Variants in ZBTB40 observed in about 807,000 individuals in gnomAD.
ZBTB40 encodes the protein zinc finger and BTB domain-containing protein 40.
Under a neutral mutation model 117.5 loss-of-function variants are expected in ZBTB40, and 60 were observed. The observed-to-expected ratio is 0.51, with a 90% CI of 0.41 to 0.63. ZBTB40 has a LOEUF of 0.63. Among genes scored for constraint, ZBTB40 ranks in the 30% least tolerant of loss-of-function variants. ZBTB40 has a pLI of 0.00. For synonymous variants in ZBTB40, 525 were observed against 577.1 expected, an observed-to-expected ratio of 0.91 and a Z score of 1.29; for missense variants, 1,287 against 1,498.5, an observed-to-expected ratio of 0.86 and a Z score of 2.33.
chr1:22,506,473 G>A (rs750921827), intron 6 of ZBTB40, among the ~76,000 whole-genome samples: 19 of 152,198 alleles, frequency 1.2e-4, no homozygotes, highest in Non-Finnish European at 2.2e-4. Context: ...TGTGGCTCAG[G>A]ATTTATTAAC....
chr1:22,520,328 A>C, intron 14 of ZBTB40, 53 bp downstream of exon 14: 11 of 1,470,184 alleles, frequency 7.5e-6, no homozygotes, highest in Non-Finnish European at 1.0e-5. Flanking sequence ...CCTACTCTCC[A>C]TTTGATCTTC....
intron 12 of ZBTB40, among the ~76,000 whole-genome samples, chr1:22,515,439 A>T (rs905286668): frequency 1.1e-4 from 17 of 152,232 alleles, no homozygotes; most frequent in Non-Finnish European, 2.5e-4. Context: ...ACCATTCTGG[A>T]GGATAGCAAT....
At chr1:22,492,518 C>A (rs1191294175) in intron 3 of ZBTB40, among the ~76,000 whole-genome samples, 2 of 152,230 alleles carry the variant, frequency 1.3e-5, no homozygotes, top group East Asian at 3.8e-4. Context: ...TGAGAGGGCG[C>A]TGCCCCGGCA....
chr1:22,484,679 T>C (rs1638418153), intron 1 of ZBTB40, among the ~76,000 whole-genome samples: 1 of 152,218 alleles, frequency 6.6e-6, no homozygotes, highest in Admixed American at 6.5e-5. Flanking sequence ...CAGTACAGTG[T>C]TTAAGATCAG....
At chr1:22,517,866 C>T (rs1639417454) in intron 13 of ZBTB40, among the ~76,000 whole-genome samples, 1 of 152,186 alleles carries the variant, frequency 6.6e-6, no homozygotes, top group African/African-American at 2.4e-5. Flanking sequence ...TGTCTACCAT[C>T]GTAAGTGAGC....
rs750252139 is a variant in ZBTB40 at position 22,490,656 on chromosome 1, T to C, written c.697+11T>C. Reference sequence around the variant, plus strand: ...CAAGCACAGAACCAGGTAACAGTCATTGTTTTATATTCCATCCTTCTGTTT... The same window carrying C: ...CAAGCACAGAACCAGGTAACAGTCACTGTTTTATATTCCATCCTTCTGTTT... On this transcript the variant is annotated intron_variant, in intron 2 of 17. Coordinates refer to ENST00000375647, the MANE Select transcript of ZBTB40 (RefSeq NM_014870.4). 1 of 1,611,116 alleles carries C rather than the reference T, an allele frequency of 6.2e-7. No individual in the cohort carries two copies. The highest frequency in any genetic ancestry group is 8.5e-7 in the Non-Finnish European group (1 of 1,178,872).
intron 17 of ZBTB40, among the ~76,000 whole-genome samples, chr1:22,524,761 G>C (rs1273581068): frequency 6.6e-6 from 1 of 152,200 alleles, no homozygotes; most frequent in Non-Finnish European, 1.5e-5. Flanking sequence ...GGAGACAGAG[G>C]AACACTTTGT....
chr1:22,478,654 C>T (rs1383955838), intron 1 of ZBTB40, among the ~76,000 whole-genome samples: 1 of 152,112 alleles, frequency 6.6e-6, no homozygotes, highest in Non-Finnish European at 1.5e-5. Flanking sequence ...AGAACAGTGC[C>T]TGGCACATAG....
chr1:22,431,380 G>GTATATATATATA (rs1299801234), intron 1 of ZBTB40, among the ~76,000 whole-genome samples: 304 of 15,138 alleles, frequency 0.02, 3 homozygotes, highest in African/African-American at 0.031. Context: ...GTGTGTGTGT[G>GTATATATATATA]TGTGTATATA....
At chr1:22,458,631 C>CT (rs1212655194) in intron 1 of ZBTB40, among the ~76,000 whole-genome samples, 2 of 152,216 alleles carry the variant, frequency 1.3e-5, no homozygotes, top group African/African-American at 4.8e-5. Flanking sequence ...CAGATATTGT[C>CT]TTAAAGTCAC....
intron 1 of ZBTB40, among the ~76,000 whole-genome samples, chr1:22,439,102 G>A (rs1640704268): frequency 6.6e-6 from 1 of 152,132 alleles, no homozygotes; most frequent in South Asian, 2.1e-4. Flanking sequence ...TCCTGACCTT[G>A]TTATCCACCC....
chr1:22,432,320 A>G (rs982681132), intron 1 of ZBTB40, among the ~76,000 whole-genome samples: 5 of 152,232 alleles, frequency 3.3e-5, no homozygotes, highest in Non-Finnish European at 7.4e-5. Flanking sequence ...CTGCATCTCA[A>G]CCTTGGGGTG....
At chr1:22,505,696 G>A (rs544276380) in intron 5 of ZBTB40, among the ~76,000 whole-genome samples, 24 of 152,188 alleles carry the variant, frequency 1.6e-4, no homozygotes, top group Admixed American at 2.0e-4. Flanking sequence ...CAATCTTAGC[G>A]TCCAGACAAG....
At chr1:22,435,156 A>G (rs1265104112) in intron 1 of ZBTB40, among the ~76,000 whole-genome samples, 2 of 151,614 alleles carry the variant, frequency 1.3e-5, no homozygotes, top group Non-Finnish European at 2.9e-5. Flanking sequence ...ACCCACCACC[A>G]TGCCCAGCTA....
chr1:22,467,394 A>C (rs573141441), intron 1 of ZBTB40, among the ~76,000 whole-genome samples: 1 of 152,318 alleles, frequency 6.6e-6, no homozygotes, highest in East Asian at 1.9e-4. Context: ...TTTCCTAAAA[A>C]GTTTTACCAG....
At chr1:22,446,250 C>CCG (rs34292769) in intron 1 of ZBTB40, among the ~76,000 whole-genome samples, 3 of 149,798 alleles carry the variant, frequency 2.0e-5, no homozygotes, top group Non-Finnish European at 2.9e-5. Flanking sequence ...GAAAAAAAGA[C>CCG]AGAAAAACAA....
rs533801680 is a variant in ZBTB40 at position 22,482,952 on chromosome 1, G to A, written c.-69-6928G>A. Among the ~76,000 whole-genome samples the A allele has an allele frequency of 5.3e-5, 8 of 152,080 alleles. No homozygotes were observed. In the South Asian group the frequency reaches 6.2e-4, roughly 12 times the overall value. ...AAATTAGCCAGGCGTGGTGGCGGGC[G>A]CCTGTAGTCCTAGCTACTCGGGAGG... On this transcript the variant is annotated intron_variant, in intron 1 of 17. Coordinates refer to ENST00000375647, the MANE Select transcript of ZBTB40 (RefSeq NM_014870.4).
intron 1 of ZBTB40, among the ~76,000 whole-genome samples, chr1:22,487,965 G>A (rs993128776): frequency 2.6e-5 from 4 of 152,082 alleles, no homozygotes; most frequent in African/African-American, 7.2e-5. Context: ...CCTCCTGCCT[G>A]CTACCACGGG....
At position 22,527,403 on chromosome 1, in the gene ZBTB40, T is replaced by G. The variant is rs558894570; in HGVS notation, c.*1007T>G. ...CACCTCCCGCAGGCCGCCACACTTATTGCAGGTCAGTGATCCTTTGGAGTT... is the reference window on the plus strand; with the variant it reads ...CACCTCCCGCAGGCCGCCACACTTAGTGCAGGTCAGTGATCCTTTGGAGTT... On this transcript the variant is annotated 3_prime_UTR_variant, in exon 18 of 18. Coordinates refer to ENST00000375647, the MANE Select transcript of ZBTB40 (RefSeq NM_014870.4). 1.3e-5 allele frequency: 2 copies of G among 152,382 alleles called. No individual in the cohort carries two copies. The highest frequency in any genetic ancestry group is 3.8e-4 in the East Asian group (2 of 5,328). 9.4% of individuals were successfully genotyped at this position (152,382 alleles called of 1,614,324 possible). A position where few individuals can be genotyped will look rare whatever the true frequency, so the allele number is the denominator to read the frequency against.
Sources: gnomAD v4.1 joint callset for allele counts (sites outside exome capture counted in the v4.1 genomes callset) on GRCh38, gnomAD v4.1.1 for gene constraint, MANE v1.5 for transcripts, NCBI Gene and HGNC (gene_info 2026-07-23, HGNC 2026-07-21) for gene names.